The following UACA variants were observed in gnomAD, a reference collection of about 807,000 sequenced individuals.
UACA encodes uveal autoantigen with coiled-coil domains and ankyrin repeats.
A neutral mutation model predicts 160.5 loss-of-function variants in UACA; 112 were observed. The ratio of observed to expected loss-of-function variants is 0.70; its 90% CI spans 0.60 to 0.82. UACA has a LOEUF of 0.82. UACA is among the 40% of genes least tolerant of loss of function. The pLI is 0.00. For missense variants in UACA, 1,574 were observed against 1,614.6 expected (o/e 0.97, Z 0.43); for synonymous variants, 557 against 568.4 (o/e 0.98, Z 0.29).
At chr15:70,746,497 G>C (rs1408580847) in intron 1 of UACA, among the ~76,000 whole-genome samples, 1 of 152,168 alleles carries the variant, frequency 6.6e-6, no homozygotes, top group African/African-American at 2.4e-5. Context: ...ATGCTGGAGA[G>C]GACATGGAGA....
upstream of UACA, among the ~76,000 whole-genome samples, chr15:70,766,503 T>A (rs2031012476): frequency 6.6e-6 from 1 of 152,172 alleles, no homozygotes; most frequent in South Asian, 2.1e-4. Context: ...TAATGCATTT[T>A]TTAAAATTAC....
upstream of UACA, chr15:70,768,215 G>GTT (rs1444107495): frequency 4.6e-5 from 7 of 152,276 alleles, no homozygotes; most frequent in East Asian, 1.3e-3. Flanking sequence ...CATCTCCCCT[G>GTT]TTGAGGATTG....
Position 70,655,883 on chromosome 15 carries a change from A to G in UACA, c.*1173T>C, listed in dbSNP as rs1896463230. 1 of 152,222 alleles carries G rather than the reference A, an allele frequency of 6.6e-6. No homozygotes were observed. The highest frequency in any genetic ancestry group is 1.5e-5 in the Non-Finnish European group (1 of 68,036). The allele number at this position is 152,222 out of a possible 1,614,324, so 9.4% of individuals were successfully genotyped here. A position where few individuals can be genotyped will look rare whatever the true frequency, so the allele number is the denominator to read the frequency against. ...TGATCCATTTATTCAGTTATTTGTT[A>G]ATACTCAAATTAGTAATTTTCACTC... On this transcript the variant is annotated 3_prime_UTR_variant, in exon 19 of 19. Coordinates refer to ENST00000322954, the MANE Select transcript of UACA (RefSeq NM_018003.4).
At chr15:70,661,498 C>T (rs1896703999) in intron 17 of UACA, 1 of 152,082 alleles carries the variant, frequency 6.6e-6, no homozygotes, top group African/African-American at 2.4e-5. Context: ...ATTTGCCATC[C>T]TTAATCTGTA....
chr15:70,673,549 T>C (rs143493317), intron 13 of UACA, among the ~76,000 whole-genome samples: 2 of 152,314 alleles, frequency 1.3e-5, no homozygotes, highest in East Asian at 3.9e-4. Flanking sequence ...TTACAATAAC[T>C]ACTAAATGGC....
At chr15:70,752,169 C>G (rs796581406) in intron 1 of UACA, among the ~76,000 whole-genome samples, 1 of 146,554 alleles carries the variant, frequency 6.8e-6, no homozygotes, top group African/African-American at 2.5e-5. Context: ...ACCCGGGAGG[C>G]AGAGGTTGCG....
chr15:70,670,558 C>CCTA (rs1897101614), intron 15 of UACA, among the ~76,000 whole-genome samples: 2 of 152,114 alleles, frequency 1.3e-5, no homozygotes, highest in South Asian at 4.1e-4. Context: ...CTGCCTTAAA[C>CCTA]CTACTTCTGC....
intron 1 of UACA, among the ~76,000 whole-genome samples, chr15:70,743,241 T>G (rs1899593655): frequency 6.6e-6 from 1 of 152,206 alleles, no homozygotes; most frequent in Admixed American, 6.5e-5. Flanking sequence ...AGAGAAAACT[T>G]TATGTTTTTA....
intron 1 of UACA, chr15:70,703,360 C>A: frequency 9.9e-7 from 1 of 1,013,320 alleles, no homozygotes; most frequent in Non-Finnish European, 1.3e-6. Flanking sequence ...GTTAAAAATT[C>A]TGCTATGTAC....
chr15:70,663,376 T>A (rs1896786874), intron 17 of UACA, among the ~76,000 whole-genome samples: 1 of 152,056 alleles, frequency 6.6e-6, no homozygotes, highest in Admixed American at 6.5e-5. Flanking sequence ...CTGGAGAGGA[T>A]GTGGAGAAAT....
Position 70,656,911 on chromosome 15 carries a change from AT to A in UACA, c.*144del. 1 of 522,666 alleles carries A rather than the reference AT, an allele frequency of 1.9e-6. No individual in the cohort carries two copies. Among genetic ancestry groups the A allele is most frequent in the Non-Finnish European group, 3.3e-6 (1 of 300,602 alleles). 32.4% of individuals were successfully genotyped at this position (522,666 alleles called of 1,614,324 possible). On this transcript the variant is annotated 3_prime_UTR_variant, in exon 19 of 19. Coordinates refer to ENST00000322954, the MANE Select transcript of UACA (RefSeq NM_018003.4). The stretch of plus-strand genomic sequence containing the variant: ...TGAAAAAGACTAACATATTCATCTA[AT>A]TTTAAAAAAAAACCTACCAATAGAA...
rs1897772894 is a variant in UACA, at chr15:70,687,597, A to T, written c.545T>A (p.Ile182Lys). ...TCCTCTATCTATCAGCAGTTGACAT[A>T]TTGTTGGCCTACTCATCTGAGTAGC... ...VLATQMSRPT[I>K]CQLLIDRGAD... Residue 182 changes from isoleucine to lysine, a missense_variant, in exon 7 of 19, where the codon ATA (isoleucine) becomes AAA (lysine). Coordinates refer to ENST00000322954, the MANE Select transcript of UACA (RefSeq NM_018003.4). 2 of 1,613,800 alleles carry T rather than the reference A, an allele frequency of 1.2e-6. No homozygotes were observed. Among genetic ancestry groups the T allele is most frequent in the South Asian group, 2.2e-5 (2 of 91,078 alleles).
chr15:70,700,340 C>T lies in UACA; in HGVS notation c.79-680G>A, dbSNP rs559784057. Among the ~76,000 whole-genome samples, 89 of 127,894 alleles carry T rather than the reference C, an allele frequency of 7.0e-4. 1 individual carries two copies. Among genetic ancestry groups the T allele is most frequent in the African/African-American group, 3.0e-3 (88 of 28,874 alleles). The allele number at this position is 127,894 out of a possible 152,430, so 83.9% of individuals were successfully genotyped here. A position where few individuals can be genotyped will look rare whatever the true frequency, so the allele number is the denominator to read the frequency against. ...ATATACACACACACACACACACACA[C>T]ATTCTATACAGAAAGCAATTCATTA... On this transcript the variant is annotated intron_variant, in intron 1 of 18. Coordinates refer to ENST00000322954, the MANE Select transcript of UACA (RefSeq NM_018003.4).
upstream of UACA, chr15:70,763,602 G>T: frequency 8.7e-7 from 1 of 1,154,888 alleles, no homozygotes; most frequent in Non-Finnish European, 1.1e-6. Flanking sequence ...TTGACCCGCT[G>T]CCCTGGCGGG....
At chr15:70,681,831 C>T (rs939827140) in intron 9 of UACA, 1 of 152,168 alleles carries the variant, frequency 6.6e-6, no homozygotes, top group Admixed American at 6.5e-5. Flanking sequence ...CACATGTATA[C>T]CTATGTACAA....
At chr15:70,706,310 T>G (rs1196630915) in intron 1 of UACA, among the ~76,000 whole-genome samples, 1 of 151,932 alleles carries the variant, frequency 6.6e-6, no homozygotes, top group South Asian at 2.1e-4. Context: ...AAAAGCCCAC[T>G]GCTAACATTA....
At chr15:70,742,308 T>C (rs1899562342) in intron 1 of UACA, among the ~76,000 whole-genome samples, 1 of 152,218 alleles carries the variant, frequency 6.6e-6, no homozygotes, top group Non-Finnish European at 1.5e-5. Flanking sequence ...CCACACATCA[T>C]CTATTTTCAA....
chr15:70,762,064 GAAAC>G (rs2030792975), intron 1 of UACA, among the ~76,000 whole-genome samples: 1 of 151,860 alleles, frequency 6.6e-6, no homozygotes, highest in Non-Finnish European at 1.5e-5. Context: ...AAAAAAAAGT[GAAAC>G]AAAGTAATCT....
intron 1 of UACA, 124 bp downstream of exon 1, chr15:70,763,206 C>CA: frequency 9.0e-7 from 1 of 1,111,008 alleles, no homozygotes; most frequent in Non-Finnish European, 1.2e-6. Flanking sequence ...GAGGAGTCGC[C>CA]AGGGCCGCCG....
Sources: allele counts gnomAD v4.1 joint callset (sites outside exome capture counted in the v4.1 genomes callset), GRCh38; gene constraint gnomAD v4.1.1; transcripts MANE v1.5; gene names NCBI Gene and HGNC (gene_info 2026-07-23, HGNC 2026-07-21).